Variants in CCDC60 observed in about 807,000 individuals in gnomAD.
CCDC60 encodes the protein coiled-coil domain-containing protein 60.
A neutral mutation model predicts 63.5 loss-of-function variants in CCDC60; 54 were observed. The ratio of observed to expected loss-of-function variants is 0.85; its 90% CI spans 0.68 to 1.07. CCDC60 has a LOEUF of 1.07. Ranked by LOEUF, CCDC60 falls within the 50% of genes least tolerant of loss-of-function variation. The pLI is 0.00. For missense variants in CCDC60, 651 were observed against 684.3 expected (o/e 0.95, Z 0.54); for synonymous variants, 206 against 238.8 (o/e 0.86, Z 1.27).
At chr12:119,368,589 G>A (rs1052324113) in intron 1 of CCDC60, among the ~76,000 whole-genome samples, 1 of 152,064 alleles carries the variant, frequency 6.6e-6, no homozygotes, top group African/African-American at 2.4e-5. Flanking sequence ...TGCAACCATG[G>A]GGGAAACCAT....
At chr12:119,336,377 G>A (rs1427840659) in intron 1 of CCDC60, among the ~76,000 whole-genome samples, 15 of 152,274 alleles carry the variant, frequency 9.9e-5, no homozygotes, top group Middle Eastern at 3.4e-3. Flanking sequence ...GTGAAAACGC[G>A]AACCAGATCA....
intron 2 of CCDC60, among the ~76,000 whole-genome samples, chr12:119,434,391 C>T (rs1950289857): frequency 6.6e-6 from 1 of 151,806 alleles, no homozygotes; most frequent in African/African-American, 2.4e-5. Context: ...ACCAGGTGTA[C>T]ACCAGGCATT....
intron 2 of CCDC60, among the ~76,000 whole-genome samples, chr12:119,435,763 A>T (rs1467851532): frequency 6.6e-6 from 1 of 152,058 alleles, no homozygotes; most frequent in African/African-American, 2.4e-5. Flanking sequence ...AAACTCAGTA[A>T]CTTAAAACAA....
At chr12:119,367,345 G>C (rs1955851070) in intron 1 of CCDC60, among the ~76,000 whole-genome samples, 1 of 152,108 alleles carries the variant, frequency 6.6e-6, no homozygotes. Flanking sequence ...ACCCTCTCCA[G>C]AAAAAGCCCT....
At chr12:119,515,919 A>G (rs1952340891) in intron 7 of CCDC60, among the ~76,000 whole-genome samples, 1 of 152,128 alleles carries the variant, frequency 6.6e-6, no homozygotes, top group Non-Finnish European at 1.5e-5. Context: ...GCCTATGGAG[A>G]TCAGAGAAGG....
chr12:119,498,738 A>G (rs1328178822), intron 5 of CCDC60, among the ~76,000 whole-genome samples: 1 of 152,230 alleles, frequency 6.6e-6, no homozygotes, highest in African/African-American at 2.4e-5. Flanking sequence ...GAATAAAGAA[A>G]CAGATAGGTG....
chr12:119,394,096 A>G (rs189235301), intron 1 of CCDC60, among the ~76,000 whole-genome samples: 1 of 152,324 alleles, frequency 6.6e-6, no homozygotes, highest in East Asian at 1.9e-4. Flanking sequence ...TCCATTTACC[A>G]ATAGCTTGCT....
intron 7 of CCDC60, among the ~76,000 whole-genome samples, chr12:119,509,702 A>T (rs1005260990): frequency 6.6e-6 from 1 of 152,180 alleles, no homozygotes; most frequent in Non-Finnish European, 1.5e-5. Flanking sequence ...ACTAACACTT[A>T]AAAGTATTTT....
At chr12:119,433,839 C>A (rs1330690559) in intron 2 of CCDC60, among the ~76,000 whole-genome samples, 1 of 152,142 alleles carries the variant, frequency 6.6e-6, no homozygotes, top group African/African-American at 2.4e-5. Context: ...TGCTTTCCTC[C>A]TCGCCTGTTC....
chr12:119,504,086 T>C (rs1279427224), intron 6 of CCDC60, among the ~76,000 whole-genome samples: 1 of 152,150 alleles, frequency 6.6e-6, no homozygotes, highest in Non-Finnish European at 1.5e-5. Flanking sequence ...AAAGAATCAT[T>C]AGCATGGGAT....
At chr12:119,495,412 T>C (rs1951697404) in intron 5 of CCDC60, among the ~76,000 whole-genome samples, 1 of 152,204 alleles carries the variant, frequency 6.6e-6, no homozygotes, top group Admixed American at 6.5e-5. Flanking sequence ...ATAAAATAAT[T>C]TCAAGTGCCA....
At chr12:119,442,340 G>A (rs1472069990) in intron 2 of CCDC60, among the ~76,000 whole-genome samples, 4 of 152,112 alleles carry the variant, frequency 2.6e-5, no homozygotes, top group African/African-American at 4.8e-5. Context: ...GGCCAGGTGC[G>A]GTGGCTCATG....
chr12:119,430,201 C>T (rs113877071), intron 2 of CCDC60, among the ~76,000 whole-genome samples: 2 of 145,534 alleles, frequency 1.4e-5, no homozygotes, highest in South Asian at 2.2e-4. Flanking sequence ...CACACACACA[C>T]ATACACACAC....
chr12:119,512,494 G>A (rs1377201973), intron 7 of CCDC60, among the ~76,000 whole-genome samples: 1 of 152,210 alleles, frequency 6.6e-6, no homozygotes, highest in African/African-American at 2.4e-5. Flanking sequence ...AATCAATGCT[G>A]TGATGGGGGT....
At chr12:119,513,031 G>A (rs543978450) in intron 7 of CCDC60, among the ~76,000 whole-genome samples, 16 of 152,166 alleles carry the variant, frequency 1.1e-4, no homozygotes, top group Non-Finnish European at 1.8e-4. Context: ...TTCTGGTGTA[G>A]TCACAGTCAT....
chr12:119,520,385 A>T (rs556965337), intron 9 of CCDC60, among the ~76,000 whole-genome samples, 193 bp downstream of exon 9: 2 of 152,142 alleles, frequency 1.3e-5, no homozygotes, highest in East Asian at 3.9e-4. Context: ...ATTTCTCCCC[A>T]ACAATTATAT....
At chr12:119,446,996 A>G (rs1255537976) in intron 2 of CCDC60, among the ~76,000 whole-genome samples, 5 of 152,150 alleles carry the variant, frequency 3.3e-5, no homozygotes, top group Non-Finnish European at 7.3e-5. Context: ...AGGTCATCTC[A>G]AATGTGAGAA....
At chr12:119,461,211 G>A (rs1950851013) in intron 2 of CCDC60, among the ~76,000 whole-genome samples, 1 of 152,090 alleles carries the variant, frequency 6.6e-6, no homozygotes, top group Admixed American at 6.5e-5. Context: ...TATGTACTAG[G>A]TACTACAGTA....
At chr12:119,474,775 G>A (rs1011370866) in intron 3 of CCDC60, among the ~76,000 whole-genome samples, 1 of 152,140 alleles carries the variant, frequency 6.6e-6, no homozygotes, top group African/African-American at 2.4e-5. Context: ...GGGAGGCTGA[G>A]GCAGGAAGAT....
Sources: allele counts gnomAD v4.1 joint callset (sites outside exome capture counted in the v4.1 genomes callset), GRCh38; gene constraint gnomAD v4.1.1; transcripts MANE v1.5; gene names NCBI Gene and HGNC (gene_info 2026-07-23, HGNC 2026-07-21).